Variants in MISP observed in about 807,000 individuals in gnomAD.
MISP encodes the protein mitotic interactor and substrate of PLK1.
A neutral mutation model predicts 49.3 loss-of-function variants in MISP; 51 were observed. The observed-to-expected ratio is 1.03, with a 90% confidence interval of 0.83 to 1.31. MISP has a LOEUF of 1.31. Ranked by LOEUF, MISP falls within the 50% of genes most tolerant of loss-of-function variation. MISP has a pLI of 0.00. For synonymous variants in MISP, 444 were observed against 392.6 expected (o/e 1.13, Z -1.55); for missense variants, 1,084 against 935.1 (o/e 1.16, Z -2.08).
chr19:758,700 A>C lies in MISP; in HGVS notation c.1754A>C (p.Asn585Thr). 1 of 1,613,720 alleles carries C rather than the reference A, an allele frequency of 6.2e-7. No individual in the cohort carries two copies. The highest frequency in any genetic ancestry group is 1.1e-5 in the South Asian group (1 of 91,048). Reference sequence around the variant, plus strand: ...ACGCCAGATGAGAACTCTGACCAGAACTCCAGGAGCTCCTCCCAGGCATCC... The same window carrying C: ...ACGCCAGATGAGAACTCTGACCAGACCTCCAGGAGCTCCTCCCAGGCATCC... ...SPTPDENSDQ[N>T]SRSSSQASGI... Residue 585 changes from asparagine (N) to threonine (T), a missense_variant, in exon 2 of 5, where the codon AAC becomes ACC. Physicochemically the swap from Asn to Thr is moderately conservative, Grantham distance 65. Transcript: ENST00000215582.
Position 761,650 on chromosome 19 carries a change from G to T in MISP, c.1937G>T (p.Gly646Val). 1.2e-6 allele frequency: 2 copies of T among 1,614,112 alleles called. No individual in the cohort carries two copies. The highest frequency in any genetic ancestry group is 1.7e-6 in the Non-Finnish European group (2 of 1,180,012). ...TACGCTGGCATCAACCCCTCGGACG[G>T]TATCAACTCAGAGGTGAGTATGCTC... ...QWYAGINPSD[G>V]INSEVLEAIR... The change falls in exon 4 of 5, where the codon GGT becomes GTT. Residue 646 changes from glycine (G) to valine (V), a missense_variant. Gly to Val is a moderately radical substitution (Grantham distance 109, BLOSUM62 -3). Transcript: ENST00000215582.
chr19:762,864 G>C (rs1278263958), intron 4 of MISP, among the ~76,000 whole-genome samples: 5 of 151,836 alleles, frequency 3.3e-5, no homozygotes, highest in African/African-American at 1.2e-4. Flanking sequence ...TACAGGCAGA[G>C]TCTCACTAGG....
Position 758,320 on chromosome 19 carries a change from G to A in MISP, c.1374G>A (p.Ala458=), listed in dbSNP as rs139237334. 4.4e-5 allele frequency: 71 copies of A among 1,613,996 alleles called. No homozygotes were observed. In the East Asian group the frequency reaches 7.8e-4, roughly 18 times the overall value. The part of the protein sequence containing the change: ...SSLSTAEAKA[A]TSPKATMSPR... ...TCTCCACAGCGGAGGCCAAGGCTGC[G>A]ACTTCACCAAAGGCCACGATGTCCC... is the stretch of plus-strand genomic sequence containing the variant. The change falls in exon 2 of 5, where the codon GCG becomes GCA. Residue 458 remains alanine (A), a synonymous_variant. Transcript: ENST00000215582.
chr19:749,681 A>T (rs60662783), upstream of MISP, among the ~76,000 whole-genome samples: 6,739 of 152,032 alleles, frequency 0.044, 444 homozygotes, highest in East Asian at 0.34. Context: ...AAATACAAAA[A>T]TAGCTGGGCG....
chr19:756,858 T>A (rs749477239), intron 1 of MISP, 32 bp from the exon 2 acceptor site: 1 of 1,139,900 alleles, frequency 8.8e-7, no homozygotes, highest in Non-Finnish European at 1.2e-6. Flanking sequence ...GTGCTCTGAC[T>A]TGATGGCCCT....
intron 1 of MISP, among the ~76,000 whole-genome samples, chr19:755,446 G>A (rs896575381): frequency 4.6e-5 from 7 of 152,120 alleles, no homozygotes; most frequent in Non-Finnish European, 1.0e-4. Flanking sequence ...TGTGGGAGCC[G>A]GGAAACTGGA....
chr19:760,022 A>G lies in MISP; in HGVS notation c.1894A>G (p.Arg632Gly), dbSNP rs1213091669. ...AGTGGACAGTGCTCCTCCCGGGCAG[A>G]GAAAGAAGGAGCAATGGGTGAGTCT... is the stretch of plus-strand genomic sequence containing the variant. ...DPVDSAPPGQ[R>G]KKEQWYAGIN... The change falls in exon 3 of 5, where the codon AGA becomes GGA. Residue 632 changes from arginine to glycine, a missense_variant. Physicochemically the swap from Arg to Gly is moderately radical, Grantham distance 125. Coordinates refer to ENST00000215582, the MANE Select transcript of MISP (RefSeq NM_173481.4). 11 of 1,613,776 alleles carry G rather than the reference A, an allele frequency of 6.8e-6. No individual in the cohort carries two copies. The highest frequency in any genetic ancestry group is 7.6e-6 in the Non-Finnish European group (9 of 1,179,894).
At chr19:754,261 A>G (rs1224059929) in intron 1 of MISP, among the ~76,000 whole-genome samples, 2 of 152,258 alleles carry the variant, frequency 1.3e-5, no homozygotes, top group East Asian at 3.9e-4. Flanking sequence ...TCAGGAGATC[A>G]AGACCATCCT....
Position 757,179 on chromosome 19 carries a change from C to T in MISP, c.233C>T (p.Ser78Phe). The T allele has an allele frequency of 2.5e-6, 4 of 1,613,504 alleles. No homozygotes were observed. Among genetic ancestry groups the T allele is most frequent in the African/African-American group, 1.3e-5 (1 of 75,056 alleles). The change falls in exon 2 of 5, where the codon TCC (serine) becomes TTC (phenylalanine). Residue 78 changes from serine to phenylalanine, a missense_variant. Physicochemically the swap from Ser to Phe is radical, Grantham distance 155. Coordinates refer to ENST00000215582, the MANE Select transcript of MISP (RefSeq NM_173481.4). ...YSVHAYTGQP[S>F]PRGLHSENRE... ...GTGCATGCCTACACTGGCCAGCCGT[C>T]CCCACGGGGGCTCCACTCGGAGAAC...
At chr19:754,703 G>C (rs966677764) in intron 1 of MISP, among the ~76,000 whole-genome samples, 1 of 152,210 alleles carries the variant, frequency 6.6e-6, no homozygotes, top group African/African-American at 2.4e-5. Flanking sequence ...GATGGCTCTG[G>C]GGGAGGGGCA....
chr19:758,866 TCG>T, intron 2 of MISP, 140 bp downstream of exon 2: 1 of 647,798 alleles, frequency 1.5e-6, no homozygotes, highest in Admixed American at 3.1e-5. Flanking sequence ...ATCCCCTCAG[TCG>T]CTGGTTTGTC....
At chr19:752,159 C>T (rs908876872) in intron 1 of MISP, among the ~76,000 whole-genome samples, 6 of 152,132 alleles carry the variant, frequency 3.9e-5, no homozygotes, top group African/African-American at 1.4e-4. Flanking sequence ...TCTCGAAAAC[C>T]GGAGTCGAAA....
intron 4 of MISP, among the ~76,000 whole-genome samples, chr19:762,878 C>A (rs2144970708): frequency 6.6e-6 from 1 of 152,066 alleles, no homozygotes; most frequent in East Asian, 1.9e-4. Flanking sequence ...CACTAGGTTG[C>A]CCAGGCTGGT....
At chr19:754,046 G>T (rs112731602) in intron 1 of MISP, among the ~76,000 whole-genome samples, 1 of 152,250 alleles carries the variant, frequency 6.6e-6, no homozygotes, top group South Asian at 2.1e-4. Context: ...TGCTGGACAC[G>T]GTGGCTCACG....
intron 3 of MISP, chr19:760,485 CCT>C (rs2144966971): frequency 6.3e-6 from 1 of 158,942 alleles, no homozygotes; most frequent in East Asian, 1.9e-4. Context: ...CCTGCCTCAG[CCT>C]CCTGAGTAGC....
At chr19:748,965 T>C (rs993434706), upstream of MISP, among the ~76,000 whole-genome samples, 4 of 152,166 alleles carry the variant, frequency 2.6e-5, no homozygotes, top group Non-Finnish European at 4.4e-5. Flanking sequence ...ACTGAAACCC[T>C]GTCTCTACTA....
upstream of MISP, among the ~76,000 whole-genome samples, chr19:750,120 G>A (rs569158501): frequency 2.0e-5 from 3 of 151,576 alleles, no homozygotes; most frequent in East Asian, 5.8e-4. Context: ...GAGGACCATG[G>A]GCGCCTGAGG....
Position 759,903 on chromosome 19 carries a change from C to T in MISP, c.1781-6C>T. 6.2e-7 allele frequency: 1 copy of T among 1,613,950 alleles called. No homozygotes were observed. The highest frequency in any genetic ancestry group is 8.5e-7 in the Non-Finnish European group (1 of 1,179,890). ...CTAATGTTCTGCCCTCCCTGCTCCC[C>T]TACAGGCATCACGGGCAGTTACTCG... On this transcript the variant is annotated splice_polypyrimidine_tract_variant and splice_region_variant and intron_variant, in intron 2 of 4. Transcript: ENST00000215582.
rs2033713092 is a variant in MISP, at chr19:763,838, C to G, written c.*248C>G. The G allele has an allele frequency of 5.9e-6, 3 of 507,170 alleles. No homozygotes were observed. Among genetic ancestry groups the G allele is most frequent in the Non-Finnish European group, 1.1e-5 (3 of 280,748 alleles). The allele number at this position is 507,170 out of a possible 1,614,324, so 31.4% of individuals were successfully genotyped here. A position where few individuals can be genotyped will look rare whatever the true frequency, so the allele number is the denominator to read the frequency against. ...TTTTGGGGATGAAATGGGACCCCTG[C>G]TGATTCTTTCTGCTTCTAAGACTTT... is the stretch of plus-strand genomic sequence containing the variant. On this transcript the variant is annotated 3_prime_UTR_variant, in exon 5 of 5. Transcript: ENST00000215582.
Sources: gnomAD v4.1 joint callset for allele counts (sites outside exome capture counted in the v4.1 genomes callset) on GRCh38, gnomAD v4.1.1 for gene constraint, MANE v1.5 for transcripts, NCBI Gene and HGNC (gene_info 2026-07-23, HGNC 2026-07-21) for gene names.